FHIP1A: variants seen among roughly 807,000 people sequenced by gnomAD.
FHIP1A encodes FHF complex subunit HOOK interacting protein 1A, also known as FHF complex subunit HOOK-interacting protein 1A.
A neutral mutation model predicts 88.6 loss-of-function variants in FHIP1A; 61 were observed. The observed-to-expected ratio is 0.69, with a 90% CI of 0.56 to 0.85. The LOEUF is 0.85. FHIP1A is among the 40% of genes least tolerant of loss of function. The pLI is 0.00. For missense variants in FHIP1A, 1,154 were observed against 1,273.5 expected, an observed-to-expected ratio of 0.91 and a Z score of 1.43; for synonymous variants, 478 against 496.0, an observed-to-expected ratio of 0.96 and a Z score of 0.48.
At position 151,629,792 on chromosome 4, in the gene FHIP1A, C is replaced by T. The variant is rs902359462; in HGVS notation, c.1069C>T (p.Arg357Cys). Reference sequence around the variant, plus strand: ...GCCAGCACTACTTGAGATCTTCCTCCGTTTTATCCTATTGCACCAGCACGA... The same window carrying T: ...GCCAGCACTACTTGAGATCTTCCTCTGTTTTATCCTATTGCACCAGCACGA... ...SEPALLEIFL[R>C]FILLHQHENV... The change falls in exon 8 of 14, where the codon CGT becomes TGT. Residue 357 changes from arginine (R) to cysteine (C), a missense_variant. Coordinates refer to ENST00000435205, the MANE Select transcript of FHIP1A (RefSeq NM_001109977.3). 17 of 1,551,400 alleles carry T rather than the reference C, an allele frequency of 1.1e-5. No individual in the cohort carries two copies. The East Asian group carries it at 2.0e-4, about 18-fold the overall frequency.
chr4:151,657,047 C>A, intron 13 of FHIP1A, 149 bp downstream of exon 13: 2 of 826,556 alleles, frequency 2.4e-6, no homozygotes. Context: ...GAGGAACCAC[C>A]TCTTAGCATT....
At chr4:151,479,337 A>G (rs1441741497) in intron 2 of FHIP1A, among the ~76,000 whole-genome samples, 1 of 152,048 alleles carries the variant, frequency 6.6e-6, no homozygotes, top group Non-Finnish European at 1.5e-5. Context: ...CATTGAAGTG[A>G]TAAGTATGGG....
intron 8 of FHIP1A, among the ~76,000 whole-genome samples, chr4:151,635,546 C>T (rs1046682646): frequency 1.3e-5 from 2 of 151,642 alleles, no homozygotes; most frequent in Admixed American, 6.6e-5. Flanking sequence ...TGTTATTCAA[C>T]CTTAAAAAAA....
chr4:151,498,357 A>G (rs538919043), intron 3 of FHIP1A, among the ~76,000 whole-genome samples: 1 of 152,270 alleles, frequency 6.6e-6, no homozygotes, highest in Admixed American at 6.5e-5. Flanking sequence ...AGGGAAGGGG[A>G]ACTGACCAAC....
intron 3 of FHIP1A, among the ~76,000 whole-genome samples, chr4:151,541,260 C>T (rs1047252516): frequency 6.6e-6 from 1 of 152,162 alleles, no homozygotes; most frequent in African/African-American, 2.4e-5. Context: ...CTTGTATTTG[C>T]TAATAACCCT....
chr4:151,562,943 A>T (rs1013775910), intron 3 of FHIP1A, among the ~76,000 whole-genome samples: 1 of 152,262 alleles, frequency 6.6e-6, no homozygotes, highest in Non-Finnish European at 1.5e-5. Context: ...GATATATTTT[A>T]TAATTCTGTA....
rs190301367 is a variant in FHIP1A at position 151,630,617 on chromosome 4, A to T, written c.1146+748A>T. ...TAGAGCAACCACTAAGAAAATAACT[A>T]AAAAAAGTGGAAAAATCTTTTAAAG... On this transcript the variant is annotated intron_variant, in intron 8 of 13. Transcript: ENST00000435205. Among the ~76,000 whole-genome samples the T allele has an allele frequency of 3.1e-4, 47 of 152,264 alleles. No individual in the cohort carries two copies. The Middle Eastern group carries it at 0.01, about 33-fold the overall frequency.
chr4:151,534,590 T>G (rs1164102121), intron 3 of FHIP1A: 4 of 152,212 alleles, frequency 2.6e-5, no homozygotes, highest in African/African-American at 9.7e-5. Context: ...CTGTCAAAAT[T>G]CTGCAATTAA....
chr4:151,441,999 T>C (rs1248581165), intron 1 of FHIP1A, among the ~76,000 whole-genome samples: 1 of 152,214 alleles, frequency 6.6e-6, no homozygotes, highest in Non-Finnish European at 1.5e-5. Context: ...TTGTAATTGT[T>C]CCATAATCTC....
At chr4:151,565,106 A>T (rs1404213294) in intron 3 of FHIP1A, among the ~76,000 whole-genome samples, 1 of 145,920 alleles carries the variant, frequency 6.9e-6, no homozygotes, top group African/African-American at 2.4e-5. Flanking sequence ...AAGTCTACAA[A>T]CTTTTATTAT....
At chr4:151,636,950 G>A (rs1447249634) in intron 8 of FHIP1A, among the ~76,000 whole-genome samples, 1 of 152,170 alleles carries the variant, frequency 6.6e-6, no homozygotes, top group Non-Finnish European at 1.5e-5. Context: ...AATCAAAGCA[G>A]TGTGGTGCAG....
intron 1 of FHIP1A, among the ~76,000 whole-genome samples, chr4:151,410,614 A>G (rs1732590031): frequency 6.6e-6 from 1 of 152,196 alleles, no homozygotes; most frequent in South Asian, 2.1e-4. Context: ...CCTGACCTCA[A>G]GTTCACTTGT....
intron 3 of FHIP1A, among the ~76,000 whole-genome samples, chr4:151,526,495 C>G (rs570048908): frequency 1.6e-3 from 227 of 142,934 alleles, no homozygotes; most frequent in African/African-American, 5.8e-3. Context: ...GCTGACCCCC[C>G]CACCTCCCTC....
intron 7 of FHIP1A, among the ~76,000 whole-genome samples, chr4:151,615,277 T>A (rs568408348): frequency 5.3e-5 from 8 of 152,258 alleles, no homozygotes; most frequent in African/African-American, 1.7e-4. Context: ...AACCATGAAA[T>A]TTATTATCAG....
At chr4:151,646,502 C>G (rs1174287668) in intron 9 of FHIP1A, 56 bp from the exon 10 acceptor site, 35 of 1,269,200 alleles carry the variant, frequency 2.8e-5, no homozygotes, top group Non-Finnish European at 3.8e-5. Flanking sequence ...TAGTTAGTCC[C>G]AGTAATGGTT....
intron 7 of FHIP1A, among the ~76,000 whole-genome samples, chr4:151,604,103 G>A (rs557189561): frequency 4.6e-5 from 7 of 152,018 alleles, no homozygotes; most frequent in South Asian, 2.1e-4. Flanking sequence ...TACTCAGTCC[G>A]TTTTCTCTGC....
At position 151,662,595 on chromosome 4, in the gene FHIP1A, G is replaced by A. The variant is rs1162232982; in HGVS notation, c.2964G>A (p.Lys988=). ...VLQPFLTHRT[K]VAEAPPNLPL... Reference sequence around the variant, plus strand: ...AGCCCTTCCTGACCCACAGAACCAAGGTGGCTGAGGCACCCCCCAACCTGC... The same window carrying A: ...AGCCCTTCCTGACCCACAGAACCAAAGTGGCTGAGGCACCCCCCAACCTGC... The change falls in exon 14 of 14, where the codon AAG becomes AAA. Residue 988 remains lysine (K), a synonymous_variant. Coordinates refer to ENST00000435205, the MANE Select transcript of FHIP1A (RefSeq NM_001109977.3). 6.4e-7 allele frequency: 1 copy of A among 1,551,580 alleles called. No homozygotes were observed.
At position 151,649,927 on chromosome 4, in the gene FHIP1A, A is replaced by G. The variant is rs1736950653; in HGVS notation, c.1886A>G (p.Lys629Arg). ...EMKKNALLLF[K>R]GSYIEESDFQ... ...AAGAAGAATGCCCTCCTGCTCTTCAAAGGGTCCTACATAGAAGAGTCGGAC... is the reference window on the plus strand; with the variant it reads ...AAGAAGAATGCCCTCCTGCTCTTCAGAGGGTCCTACATAGAAGAGTCGGAC... The change falls in exon 11 of 14, where the codon AAA (lysine) becomes AGA (arginine). Residue 629 changes from lysine to arginine, a missense_variant. By Grantham distance (26) the Lys-to-Arg change is conservative. Transcript: ENST00000435205. The G allele has an allele frequency of 6.4e-7, 1 of 1,551,454 alleles. No homozygotes were observed. Among genetic ancestry groups the G allele is most frequent in the African/African-American group, 1.4e-5 (1 of 73,018 alleles).
In FHIP1A at chr4:151,470,836, T is replaced by C. The variant is rs558602049; in HGVS notation, c.-247-11688T>C. Among the ~76,000 whole-genome samples, 7 of 152,274 alleles carry C rather than the reference T, an allele frequency of 4.6e-5. No homozygotes were observed. The South Asian group carries it at 1.5e-3, about 32-fold the overall frequency. Reference sequence around the variant, plus strand: ...AATCAATAATAATATCTTTGCCCTTTGCATCCTTCTACTGAAGTTTTCATT... The same window carrying C: ...AATCAATAATAATATCTTTGCCCTTCGCATCCTTCTACTGAAGTTTTCATT... On this transcript the variant is annotated intron_variant, in intron 2 of 13. Transcript: ENST00000435205.
Sources: gnomAD v4.1 joint callset for allele counts (sites outside exome capture counted in the v4.1 genomes callset) on GRCh38, gnomAD v4.1.1 for gene constraint, MANE v1.5 for transcripts, NCBI Gene and HGNC (gene_info 2026-07-23, HGNC 2026-07-21) for gene names.